CFAP77: variants seen among roughly 807,000 people sequenced by gnomAD.
CFAP77 encodes cilia- and flagella-associated protein 77.
In CFAP77, 25 loss-of-function variants were observed where a neutral mutation model predicts 31.1. The observed-to-expected ratio is 0.80, with a 90% CI of 0.59 to 1.12. The LOEUF is 1.12. Among genes scored for constraint, CFAP77 ranks in the 50% most tolerant of loss-of-function variants. CFAP77 has a pLI of 0.00. For synonymous variants in CFAP77, 151 were observed against 159.9 expected (o/e 0.94, Z 0.42); for missense variants, 377 against 397.3 (o/e 0.95, Z 0.44).
intron 5 of CFAP77, among the ~76,000 whole-genome samples, chr9:132,571,790 C>T (rs1487058321): frequency 2.6e-5 from 4 of 152,016 alleles, no homozygotes; most frequent in Admixed American, 2.6e-4. Context: ...CTTCACCCAC[C>T]ACCATTTCTT....
At chr9:132,422,722 A>G (rs1255660063) in intron 1 of CFAP77, among the ~76,000 whole-genome samples, 1 of 152,196 alleles carries the variant, frequency 6.6e-6, no homozygotes, top group African/African-American at 2.4e-5. Context: ...CAGGGGGAAT[A>G]CACAAAGGGC....
chr9:132,502,279 G>GTTT, intron 3 of CFAP77, among the ~76,000 whole-genome samples: 4 of 116,392 alleles, frequency 3.4e-5, no homozygotes, highest in Non-Finnish European at 5.6e-5. Flanking sequence ...TTTTTTTTTG[G>GTTT]GGGAGGGGGG....
intron 1 of CFAP77, among the ~76,000 whole-genome samples, chr9:132,489,637 C>T (rs1270636259): frequency 6.6e-6 from 1 of 152,216 alleles, no homozygotes; most frequent in East Asian, 1.9e-4. Context: ...TCTTTCTTTG[C>T]TGCATGGTGG....
At chr9:132,541,861 T>C (rs368103900) in intron 4 of CFAP77, among the ~76,000 whole-genome samples, 59 of 152,290 alleles carry the variant, frequency 3.9e-4, no homozygotes, top group East Asian at 1.2e-3. Context: ...TATTTGCCGA[T>C]TGTGCTGTCT....
At chr9:132,530,149 T>C (rs1462259896) in intron 3 of CFAP77, among the ~76,000 whole-genome samples, 5 of 149,092 alleles carry the variant, frequency 3.4e-5, no homozygotes, top group African/African-American at 9.8e-5. Flanking sequence ...TTTTTTTTTT[T>C]TTTTTTTTGG....
intron 1 of CFAP77, among the ~76,000 whole-genome samples, chr9:132,458,357 G>GGGGGGGGGGGGGGT (rs139008147): frequency 4.2e-5 from 5 of 119,116 alleles, no homozygotes; most frequent in Non-Finnish European, 5.2e-5. Context: ...GAGGGGGGGG[G>GGGGGGGGGGGGGGT]GTGTGTATGG....
chr9:132,544,778 G>A (rs779915392), intron 5 of CFAP77, among the ~76,000 whole-genome samples: 6 of 152,152 alleles, frequency 3.9e-5, no homozygotes, highest in Non-Finnish European at 7.4e-5. Context: ...TTACAGGCAT[G>A]AGTCACCATG....
chr9:132,524,397 TTG>T (rs1372944644), intron 3 of CFAP77, among the ~76,000 whole-genome samples: 2 of 151,502 alleles, frequency 1.3e-5, no homozygotes, highest in African/African-American at 2.4e-5. Flanking sequence ...GGTCAGGAGT[TTG>T]GATCAGCCTG....
At chr9:132,531,647 A>T (rs534701650) in intron 3 of CFAP77, among the ~76,000 whole-genome samples, 49 of 148,596 alleles carry the variant, frequency 3.3e-4, no homozygotes, top group Admixed American at 2.1e-3. Context: ...CATGGAAGGC[A>T]TTTTAAGCAA....
chr9:132,456,195 A>G (rs1850909276), intron 1 of CFAP77, among the ~76,000 whole-genome samples: 2 of 152,222 alleles, frequency 1.3e-5, no homozygotes, highest in Admixed American at 6.5e-5. Context: ...ACACAGCCGA[A>G]AGGTAGCATC....
intron 3 of CFAP77, among the ~76,000 whole-genome samples, chr9:132,505,882 A>T (rs1039954467): frequency 1.3e-5 from 2 of 152,178 alleles, no homozygotes; most frequent in Non-Finnish European, 2.9e-5. Flanking sequence ...CCCTCAGCTA[A>T]CGGCAGCCTC....
At chr9:132,449,906 G>T (rs1048961364) in intron 1 of CFAP77, among the ~76,000 whole-genome samples, 3 of 151,288 alleles carry the variant, frequency 2.0e-5, no homozygotes, top group Non-Finnish European at 2.9e-5. Context: ...TTTTTTGTTT[G>T]TTTGTTTGTT....
intron 5 of CFAP77, among the ~76,000 whole-genome samples, chr9:132,557,601 G>T (rs534571303): frequency 2.0e-5 from 3 of 152,302 alleles, no homozygotes; most frequent in East Asian, 3.9e-4. Flanking sequence ...CTGGAGAACC[G>T]ATTTTTTCCA....
Position 132,424,767 on chromosome 9 carries a change from A to G in CFAP77, c.195+14301A>G, listed in dbSNP as rs1850285649. ...ATTTCAGGTTATTCCAAACGTGCGCATCTGCCGGCCAGGGAGCCAGGATGG... is the reference window on the plus strand; with the variant it reads ...ATTTCAGGTTATTCCAAACGTGCGCGTCTGCCGGCCAGGGAGCCAGGATGG... On this transcript the variant is annotated intron_variant, in intron 1 of 5. Transcript: ENST00000393216. This position sits in a 1 kb window ranked among gnomAD's most constrained non-coding sequence, Gnocchi z 4.1. Among the ~76,000 whole-genome samples the G allele has an allele frequency of 6.6e-6, 1 of 152,216 alleles. No individual in the cohort carries two copies. Among genetic ancestry groups the G allele is most frequent in the Admixed American group, 6.5e-5 (1 of 15,276 alleles).
chr9:132,524,511 G>T (rs1589906245), intron 3 of CFAP77, among the ~76,000 whole-genome samples: 1 of 151,812 alleles, frequency 6.6e-6, no homozygotes, highest in Admixed American at 6.6e-5. Context: ...TACTCAGGAG[G>T]CTGAGGCAGG....
At chr9:132,448,417 C>T (rs1850765343) in intron 1 of CFAP77, among the ~76,000 whole-genome samples, 1 of 152,052 alleles carries the variant, frequency 6.6e-6, no homozygotes, top group South Asian at 2.1e-4. Context: ...TCAGGCAGAC[C>T]AGACATTGGG....
rs554486647 is a variant in CFAP77 at position 132,432,178 on chromosome 9, G to T, written c.195+21712G>T. On this transcript the variant is annotated intron_variant, in intron 1 of 5. Transcript: ENST00000393216. ...GACCTTGGCCCAGAGTCCTCTCTTA[G>T]AATTTCTAGTTCTATAAAAGGACAT... Among the ~76,000 whole-genome samples, 3 of 152,268 alleles carry T rather than the reference G, an allele frequency of 2.0e-5. No homozygotes were observed. The East Asian group carries it at 5.8e-4, about 29-fold the overall frequency.
intron 1 of CFAP77, among the ~76,000 whole-genome samples, chr9:132,459,781 CGTGTGTGTATGTGAGAGCG>C (rs1282177981): frequency 6.9e-6 from 1 of 144,062 alleles, no homozygotes; most frequent in East Asian, 2.1e-4. Context: ...TGTGTGAGAG[CGTGTGTGTATGTGAGAGCG>C]ATGTGTGTAT....
intron 5 of CFAP77, among the ~76,000 whole-genome samples, chr9:132,557,650 C>G (rs552860967): frequency 6.6e-6 from 1 of 152,330 alleles, no homozygotes; most frequent in South Asian, 2.1e-4. Flanking sequence ...ACTATGGGAA[C>G]TTTGTCAGTC....
Sources: allele counts gnomAD v4.1 joint callset (sites outside exome capture counted in the v4.1 genomes callset), GRCh38; gene constraint gnomAD v4.1.1; non-coding constraint Gnocchi (gnomAD v3.1); transcripts MANE v1.5; gene names NCBI Gene and HGNC (gene_info 2026-07-23, HGNC 2026-07-21).